The following KYNU variants were observed in gnomAD, a reference collection of about 807,000 sequenced individuals.
KYNU encodes the protein L-kynurenine hydrolase.
Under a neutral mutation model 59.2 loss-of-function variants are expected in KYNU, and 54 were observed. The ratio of observed to expected loss-of-function variants is 0.91; its 90% CI spans 0.73 to 1.14. The LOEUF is 1.14. Ranked by LOEUF, KYNU falls within the 50% of genes most tolerant of loss-of-function variation. The pLI is 0.00. For synonymous variants in KYNU, 177 were observed against 192.0 expected (o/e 0.92, Z 0.65); for missense variants, 567 against 554.4 (o/e 1.02, Z -0.23).
At chr2:142,931,356 T>C (rs1175641245) in intron 4 of KYNU, among the ~76,000 whole-genome samples, 1 of 152,138 alleles carries the variant, frequency 6.6e-6, no homozygotes, top group Non-Finnish European at 1.5e-5. Context: ...CCTTAATTTT[T>C]TGGGTATTCT....
chr2:142,935,987 G>A (rs989952129), intron 4 of KYNU, among the ~76,000 whole-genome samples: 6 of 152,192 alleles, frequency 3.9e-5, no homozygotes, highest in African/African-American at 1.2e-4. Flanking sequence ...GAAGGTGGTG[G>A]CTGAGAAGAT....
chr2:142,982,937 AAT>A (rs1685089251), intron 8 of KYNU, among the ~76,000 whole-genome samples: 1 of 151,766 alleles, frequency 6.6e-6, no homozygotes, highest in Non-Finnish European at 1.5e-5. Context: ...TGGCAGGGGT[AAT>A]TCCTAAGACC....
intron 3 of KYNU, among the ~76,000 whole-genome samples, chr2:142,924,202 C>T (rs1682978084): frequency 6.6e-6 from 1 of 151,822 alleles, no homozygotes; most frequent in Non-Finnish European, 1.5e-5. Flanking sequence ...ACACTTGGGC[C>T]CAGGCTATCC....
chr2:143,006,103 A>G (rs1489936737), intron 10 of KYNU, among the ~76,000 whole-genome samples: 3 of 152,124 alleles, frequency 2.0e-5, no homozygotes, highest in African/African-American at 4.8e-5. Context: ...CAGCATGAGC[A>G]ACGCAGAAGA....
At chr2:143,000,790 CT>C (rs1685688106) in intron 10 of KYNU, among the ~76,000 whole-genome samples, 1 of 152,134 alleles carries the variant, frequency 6.6e-6, no homozygotes, top group African/African-American at 2.4e-5. Flanking sequence ...GAAGTCAATT[CT>C]TGGAGCAGTG....
Position 143,053,506 on chromosome 2 carries a change from T to G in KYNU, c.*11334T>G, listed in dbSNP as rs1687302475. On this transcript the variant is annotated 3_prime_UTR_variant, in exon 14 of 14. Transcript: ENST00000264170. ...TGGTTTGACTTTGTCCGCAGTCAAA[T>G]CTCATCTTGAATTTCTATGTGTTTG... The G allele has an allele frequency of 6.6e-6, 1 of 152,220 alleles. No homozygotes were observed. Among genetic ancestry groups the G allele is most frequent in the Non-Finnish European group, 1.5e-5 (1 of 68,032 alleles). The allele number at this position is 152,220 out of a possible 1,614,324, so 9.4% of individuals were successfully genotyped here.
At chr2:142,946,158 T>A (rs1196242450) in intron 4 of KYNU, among the ~76,000 whole-genome samples, 2 of 152,126 alleles carry the variant, frequency 1.3e-5, no homozygotes, top group Non-Finnish European at 2.9e-5. Flanking sequence ...ATCAGCTCAC[T>A]ACAGCCTTGA....
intron 12 of KYNU, among the ~76,000 whole-genome samples, chr2:143,039,571 G>A (rs1463597439): frequency 1.3e-5 from 2 of 151,996 alleles, no homozygotes. Context: ...ATTTCTCATG[G>A]CCCAATAACA....
Position 143,053,073 on chromosome 2 carries a change from TA to T in KYNU, c.*10903del, listed in dbSNP as rs1230002076. 8.5e-5 allele frequency: 13 copies of T among 152,432 alleles called. No homozygotes were observed. Among genetic ancestry groups the T allele is most frequent in the African/African-American group, 3.1e-4 (13 of 41,594 alleles). 9.4% of individuals were successfully genotyped at this position (152,432 alleles called of 1,614,324 possible). A position where few individuals can be genotyped will look rare whatever the true frequency, so the allele number is the denominator to read the frequency against. On this transcript the variant is annotated 3_prime_UTR_variant, in exon 14 of 14. Coordinates refer to ENST00000264170, the MANE Select transcript of KYNU (RefSeq NM_003937.3). The stretch of plus-strand genomic sequence containing the variant: ...GTCAAAGGAGATCATTTTGGAGCTT[TA>T]AGATTTGACTGCCCCACTGGATTTC...
At chr2:143,032,835 G>C (rs962136885) in intron 11 of KYNU, among the ~76,000 whole-genome samples, 1 of 151,532 alleles carries the variant, frequency 6.6e-6, no homozygotes, top group Admixed American at 6.6e-5. Context: ...TTCTGCCTTT[G>C]GGAGACATTA....
At chr2:142,942,347 A>T (rs987122125) in intron 4 of KYNU, among the ~76,000 whole-genome samples, 30 of 152,170 alleles carry the variant, frequency 2.0e-4, no homozygotes, top group African/African-American at 7.2e-4. Context: ...AATATTTAAT[A>T]AATTCTAATT....
At position 143,050,880 on chromosome 2, in the gene KYNU, A is replaced by G. The variant is rs1367257345; in HGVS notation, c.*8708A>G. The G allele has an allele frequency of 6.6e-6, 1 of 152,200 alleles. No individual in the cohort carries two copies. Among genetic ancestry groups the G allele is most frequent in the Non-Finnish European group, 1.5e-5 (1 of 68,044 alleles). The allele number at this position is 152,200 out of a possible 1,614,324, so 9.4% of individuals were successfully genotyped here. ...GGATTTTTGCACCACTTCAAGAAAGAAACCTTCAAACAGCCTGGAAATATC... is the reference window on the plus strand; with the variant it reads ...GGATTTTTGCACCACTTCAAGAAAGGAACCTTCAAACAGCCTGGAAATATC... On this transcript the variant is annotated 3_prime_UTR_variant, in exon 14 of 14. Transcript: ENST00000264170.
chr2:143,017,041 G>C (rs1686269354), intron 10 of KYNU, among the ~76,000 whole-genome samples: 1 of 152,108 alleles, frequency 6.6e-6, no homozygotes, highest in Non-Finnish European at 1.5e-5. Flanking sequence ...TTAGGATAAT[G>C]GCTTCTAGTT....
At chr2:142,921,453 G>A (rs529833604) in intron 3 of KYNU, among the ~76,000 whole-genome samples, 5 of 152,176 alleles carry the variant, frequency 3.3e-5, no homozygotes, top group Non-Finnish European at 7.3e-5. Flanking sequence ...GCTCATGGCT[G>A]TATTCCCAGC....
At chr2:143,041,076 T>C (rs1028600890) in intron 13 of KYNU, among the ~76,000 whole-genome samples, 1 of 152,050 alleles carries the variant, frequency 6.6e-6, no homozygotes, top group Non-Finnish European at 1.5e-5. Flanking sequence ...TTGATCAAAT[T>C]AAGTTATTTT....
At chr2:142,966,388 C>T (rs1337085006) in intron 8 of KYNU, among the ~76,000 whole-genome samples, 2 of 152,164 alleles carry the variant, frequency 1.3e-5, no homozygotes, top group Non-Finnish European at 2.9e-5. Flanking sequence ...GGAATGCACA[C>T]TAACTTCTTT....
At chr2:142,901,825 CT>C (rs904579527) in intron 2 of KYNU, among the ~76,000 whole-genome samples, 21 of 151,964 alleles carry the variant, frequency 1.4e-4, no homozygotes, top group Non-Finnish European at 2.6e-4. Context: ...TTTTGAAGTC[CT>C]TTTTTTACAA....
At chr2:142,965,664 GA>G (rs1684503222) in intron 8 of KYNU, among the ~76,000 whole-genome samples, 1 of 152,042 alleles carries the variant, frequency 6.6e-6, no homozygotes, top group South Asian at 2.1e-4. Flanking sequence ...ATCTTTCCCA[GA>G]AAAAAACCTA....
At chr2:142,939,441 A>G (rs927658263) in intron 4 of KYNU, among the ~76,000 whole-genome samples, 3 of 151,874 alleles carry the variant, frequency 2.0e-5, no homozygotes, top group Admixed American at 2.0e-4. Context: ...GTCTCTACTA[A>G]AAATACAAAA....
Sources: gnomAD v4.1 joint callset for allele counts (sites outside exome capture counted in the v4.1 genomes callset) on GRCh38, gnomAD v4.1.1 for gene constraint, MANE v1.5 for transcripts, NCBI Gene and HGNC (gene_info 2026-07-23, HGNC 2026-07-21) for gene names.